DPP6: variants seen among roughly 807,000 people sequenced by gnomAD.
DPP6 encodes the protein dipeptidyl peptidase like 6.
DPP6 carries 69 observed loss-of-function variants against 122.6 expected under a neutral mutation model. The ratio of observed to expected loss-of-function variants is 0.56; its 90% confidence interval spans 0.46 to 0.69. The LOEUF (loss-of-function observed/expected upper bound fraction) is 0.69. Ranked by LOEUF, DPP6 falls within the 30% of genes least tolerant of loss-of-function variation. The probability of loss-of-function intolerance (pLI) is 0.00; values close to 1 mark genes in which losing one functional copy is unlikely to be tolerated. For synonymous variants in DPP6, 418 were observed against 433.1 expected (o/e 0.97, Z 0.43); for missense variants, 928 against 1,116.9 (o/e 0.83, Z 2.41).
At chr7:154,299,092 A>T (rs147890405) in intron 1 of DPP6, among the ~76,000 whole-genome samples, 8 of 152,326 alleles carry the variant, frequency 5.3e-5, no homozygotes, top group Admixed American at 6.5e-5. Context: ...TCCCCAGGTG[A>T]GGTTTACCAG....
chr7:153,961,187 C>T (rs868187409), intron 1 of DPP6, among the ~76,000 whole-genome samples: 96 of 146,020 alleles, frequency 6.6e-4, no homozygotes, highest in Middle Eastern at 6.9e-3. Context: ...TGGTGTTTGG[C>T]ATTTATCTAG....
At chr7:154,641,332 C>T (rs748764717) in intron 6 of DPP6, among the ~76,000 whole-genome samples, 5 of 152,158 alleles carry the variant, frequency 3.3e-5, no homozygotes, top group Non-Finnish European at 7.3e-5. Context: ...GGACATATGC[C>T]TTTTACAACA....
At chr7:154,172,059 G>T (rs6945493) in intron 1 of DPP6, among the ~76,000 whole-genome samples, 1 of 151,990 alleles carries the variant, frequency 6.6e-6, no homozygotes, top group Non-Finnish European at 1.5e-5. Flanking sequence ...ACTTCTGTCT[G>T]CTGTTGAAAA....
intron 1 of DPP6, among the ~76,000 whole-genome samples, chr7:154,312,958 C>G (rs1450115261): frequency 2.6e-5 from 4 of 152,242 alleles, no homozygotes; most frequent in South Asian, 4.1e-4. Flanking sequence ...TTTCTTTATT[C>G]TCTAGCAGTG....
At chr7:154,128,038 A>AG (rs1211440455) in intron 1 of DPP6, among the ~76,000 whole-genome samples, 1 of 149,988 alleles carries the variant, frequency 6.7e-6, no homozygotes, top group Non-Finnish European at 1.5e-5. Flanking sequence ...GTCTCCACAG[A>AG]GGGATGCCTG....
chr7:154,464,024 G>A (rs541945048), intron 2 of DPP6, among the ~76,000 whole-genome samples: 6 of 152,306 alleles, frequency 3.9e-5, no homozygotes, highest in African/African-American at 1.2e-4. Context: ...ACAGCACCAA[G>A]ACTTGCGCAG....
intron 17 of DPP6, among the ~76,000 whole-genome samples, chr7:154,856,764 C>T (rs1242917368): frequency 3.3e-5 from 5 of 152,186 alleles, no homozygotes; most frequent in Admixed American, 6.5e-5. Context: ...GGAAGCATTT[C>T]GCCGTTTGCA....
chr7:153,827,414 A>G, the DPP6 span, among the ~76,000 whole-genome samples: 4 of 152,166 alleles, frequency 2.6e-5, no homozygotes, highest in East Asian at 7.7e-4. Context: ...CATTACACGT[A>G]AAACAAATGT....
intron 1 of DPP6, among the ~76,000 whole-genome samples, chr7:154,153,915 C>G (rs1390776420): frequency 1.3e-5 from 2 of 152,154 alleles, no homozygotes; most frequent in Admixed American, 1.3e-4. Context: ...GTGGCAAACT[C>G]TCAAACCCAA....
At chr7:153,925,725 T>C (rs1454851050) in intron 1 of DPP6, among the ~76,000 whole-genome samples, 1 of 151,996 alleles carries the variant, frequency 6.6e-6, no homozygotes, top group Non-Finnish European at 1.5e-5. Context: ...CCCCAAGGTT[T>C]GGATGAACGG....
the DPP6 span, among the ~76,000 whole-genome samples, chr7:153,806,624 C>A: frequency 1.3e-5 from 2 of 151,972 alleles, no homozygotes; most frequent in Admixed American, 1.3e-4. Context: ...GTCTTTATTA[C>A]TTACATGTCT....
intron 1 of DPP6, among the ~76,000 whole-genome samples, chr7:154,151,983 C>A (rs930443956): frequency 1.3e-5 from 2 of 151,222 alleles, no homozygotes. Flanking sequence ...CGGCCTGGCA[C>A]GGCCTTTCTT....
At chr7:153,924,783 G>A (rs1408625314) in intron 1 of DPP6, among the ~76,000 whole-genome samples, 1 of 152,202 alleles carries the variant, frequency 6.6e-6, no homozygotes, top group African/African-American at 2.4e-5. Context: ...GACGTTGTGT[G>A]TGCCCACAAG....
intron 3 of DPP6, among the ~76,000 whole-genome samples, chr7:154,495,535 A>G (rs1013174161): frequency 2.0e-5 from 3 of 151,968 alleles, no homozygotes; most frequent in Non-Finnish European, 1.5e-5. Context: ...GACTACAGGC[A>G]TGCGCCACCA....
chr7:154,789,669 C>G (rs542010466), intron 10 of DPP6, among the ~76,000 whole-genome samples: 1 of 152,164 alleles, frequency 6.6e-6, no homozygotes, highest in African/African-American at 2.4e-5. Context: ...AGTCCACACT[C>G]GATGTGGTGT....
At chr7:154,225,384 G>T (rs62484138) in intron 1 of DPP6, among the ~76,000 whole-genome samples, 9,856 of 151,952 alleles carry the variant, frequency 0.065, 628 homozygotes, top group African/African-American at 0.16. Context: ...TATAGAACAG[G>T]TACATGATTT....
chr7:154,154,792 CACAT>C (rs1319129172), intron 1 of DPP6, among the ~76,000 whole-genome samples: 1 of 152,232 alleles, frequency 6.6e-6, no homozygotes, highest in Non-Finnish European at 1.5e-5. Flanking sequence ...TGTACACACA[CACAT>C]GCATGCACAC....
intron 1 of DPP6, among the ~76,000 whole-genome samples, chr7:154,255,356 A>T (rs547122080): frequency 2.2e-4 from 33 of 152,266 alleles, no homozygotes; most frequent in Non-Finnish European, 3.5e-4. Context: ...AATTAGAGTT[A>T]TCTGAAGGTT....
At chr7:154,509,223 A>C (rs954996335) in intron 3 of DPP6, among the ~76,000 whole-genome samples, 12 of 152,204 alleles carry the variant, frequency 7.9e-5, no homozygotes, top group Non-Finnish European at 1.3e-4. Flanking sequence ...AATATTTACA[A>C]ATAATTTACC....
Sources: allele counts gnomAD v4.1 joint callset (sites outside exome capture counted in the v4.1 genomes callset), GRCh38; gene constraint gnomAD v4.1.1; transcripts MANE v1.5; gene names NCBI Gene and HGNC (gene_info 2026-07-23, HGNC 2026-07-21).